The following EGFLAM variants were observed in gnomAD, a reference collection of about 807,000 sequenced individuals.
EGFLAM encodes EGF like, fibronectin type III and laminin G domains.
EGFLAM carries 79 observed loss-of-function variants against 113.1 expected under a neutral mutation model. The ratio of observed to expected loss-of-function variants is 0.70; its 90% CI spans 0.58 to 0.84. EGFLAM has a LOEUF of 0.84. EGFLAM is among the 40% of genes least tolerant of loss of function. EGFLAM has a pLI of 0.00. For synonymous variants in EGFLAM, 504 were observed against 487.6 expected (o/e 1.03, Z -0.44); for missense variants, 1,265 against 1,291.6 (o/e 0.98, Z 0.32).
At chr5:38,444,961 A>G (rs529637736) in intron 17 of EGFLAM, among the ~76,000 whole-genome samples, 4 of 152,230 alleles carry the variant, frequency 2.6e-5, no homozygotes, top group Non-Finnish European at 5.9e-5. Context: ...TAATAATAAT[A>G]GTAATGTTTA....
rs1030574057 is a variant in EGFLAM at position 38,408,994 on chromosome 5, A to G, written c.1249-10A>G. 2.5e-6 allele frequency: 4 copies of G among 1,575,972 alleles called. No homozygotes were observed. The highest frequency in any genetic ancestry group is 1.3e-5 in the African/African-American group (1 of 74,146). ...TACTGTTCATGTGGCTTTTGTTTGT[A>G]TAATCACAGGCGGAGGCAGAGGATG... On this transcript the variant is annotated splice_polypyrimidine_tract_variant and intron_variant, in intron 9 of 21. Coordinates refer to ENST00000322350, the MANE Select transcript of EGFLAM (RefSeq NM_152403.4).
intron 5 of EGFLAM, among the ~76,000 whole-genome samples, chr5:38,358,815 G>A (rs979318623): frequency 2.0e-5 from 3 of 152,146 alleles, no homozygotes; most frequent in African/African-American, 7.2e-5. Flanking sequence ...TATTTTTTAA[G>A]CAGTGTAGAA....
chr5:38,296,856 C>A (rs1024942236), intron 1 of EGFLAM, among the ~76,000 whole-genome samples: 1 of 151,958 alleles, frequency 6.6e-6, no homozygotes, highest in African/African-American at 2.4e-5. Context: ...ACACTGTGTA[C>A]CCCTTGATAT....
At chr5:38,385,216 C>G (rs984688705) in intron 6 of EGFLAM, among the ~76,000 whole-genome samples, 5 of 150,274 alleles carry the variant, frequency 3.3e-5, no homozygotes, top group African/African-American at 1.2e-4. Context: ...CTAGTACACA[C>G]AAACATAAAC....
intron 3 of EGFLAM, among the ~76,000 whole-genome samples, chr5:38,349,381 A>G (rs1317628751): frequency 6.6e-6 from 1 of 152,202 alleles, no homozygotes; most frequent in East Asian, 1.9e-4. Context: ...CCACATGCCC[A>G]AGACAATATC....
intron 17 of EGFLAM, among the ~76,000 whole-genome samples, chr5:38,441,848 CT>C (rs1315457056): frequency 1.3e-5 from 2 of 152,132 alleles, no homozygotes; most frequent in African/African-American, 4.8e-5. Flanking sequence ...CTTCCCTTCC[CT>C]GTGTTTCTAG....
chr5:38,309,542 C>G (rs1282014325), intron 1 of EGFLAM, among the ~76,000 whole-genome samples: 1 of 152,180 alleles, frequency 6.6e-6, no homozygotes. Context: ...TCTGCCCTCT[C>G]TCTCCTTTTC....
At chr5:38,368,541 T>C (rs1035166212) in intron 5 of EGFLAM, among the ~76,000 whole-genome samples, 1 of 152,222 alleles carries the variant, frequency 6.6e-6, no homozygotes, top group Non-Finnish European at 1.5e-5. Flanking sequence ...CGGCATCTTC[T>C]TTTAGCAAAA....
intron 6 of EGFLAM, chr5:38,403,993 C>T (rs1262204924): frequency 1.4e-5 from 23 of 1,600,988 alleles, no homozygotes; most frequent in Non-Finnish European, 1.9e-5. Context: ...ACCGCCTCCC[C>T]TTTGTTATCC....
At chr5:38,312,226 A>G (rs750891291) in intron 1 of EGFLAM, among the ~76,000 whole-genome samples, 5 of 149,204 alleles carry the variant, frequency 3.4e-5, no homozygotes, top group Non-Finnish European at 7.4e-5. Context: ...AAGTTACTCT[A>G]TCTCTCTGTA....
At chr5:38,359,489 A>G (rs1739864084) in intron 5 of EGFLAM, among the ~76,000 whole-genome samples, 2 of 152,202 alleles carry the variant, frequency 1.3e-5, no homozygotes, top group South Asian at 4.1e-4. Context: ...AGCCTTGCCA[A>G]CATGGTGAAA....
At chr5:38,375,382 T>G (rs538088273) in intron 6 of EGFLAM, among the ~76,000 whole-genome samples, 42 of 152,292 alleles carry the variant, frequency 2.8e-4, no homozygotes, top group African/African-American at 9.1e-4. Context: ...CTCCTCTCTG[T>G]CTCCATGAAT....
intron 1 of EGFLAM, among the ~76,000 whole-genome samples, chr5:38,275,645 C>T (rs1242063886): frequency 6.6e-6 from 1 of 152,194 alleles, no homozygotes; most frequent in East Asian, 1.9e-4. Flanking sequence ...TTCAATATCC[C>T]ACTTTCATCA....
intron 1 of EGFLAM, among the ~76,000 whole-genome samples, chr5:38,323,015 A>G (rs1738782029): frequency 6.6e-6 from 1 of 152,232 alleles, no homozygotes; most frequent in African/African-American, 2.4e-5. Flanking sequence ...TGCTTTAATA[A>G]TAATAGTTGG....
intron 6 of EGFLAM, among the ~76,000 whole-genome samples, chr5:38,397,796 C>T (rs1741000287): frequency 6.6e-6 from 1 of 151,586 alleles, no homozygotes; most frequent in South Asian, 2.1e-4. Flanking sequence ...ACCCCCACCC[C>T]ATGAGCAAAG....
At chr5:38,432,098 G>A (rs768780180) in intron 15 of EGFLAM, among the ~76,000 whole-genome samples, 10 of 152,082 alleles carry the variant, frequency 6.6e-5, no homozygotes, top group Admixed American at 2.6e-4. Context: ...AGGATTCTGC[G>A]AACACACACA....
intron 1 of EGFLAM, among the ~76,000 whole-genome samples, chr5:38,309,314 C>G (rs983888993): frequency 6.6e-6 from 1 of 152,190 alleles, no homozygotes; most frequent in Non-Finnish European, 1.5e-5. Flanking sequence ...TTGGTATGCT[C>G]TACAAATTGG....
intron 5 of EGFLAM, among the ~76,000 whole-genome samples, chr5:38,357,594 G>A (rs1440334272): frequency 6.6e-6 from 1 of 152,128 alleles, no homozygotes; most frequent in Non-Finnish European, 1.5e-5. Flanking sequence ...TTCTGTGTGA[G>A]CCAAAAGGTC....
chr5:38,299,928 ACT>A (rs779727776), intron 1 of EGFLAM, among the ~76,000 whole-genome samples: 2 of 152,166 alleles, frequency 1.3e-5, no homozygotes, highest in Admixed American at 6.5e-5. Flanking sequence ...ACAAAAACAG[ACT>A]CTGTTTTCTG....
Sources: gnomAD v4.1 joint callset for allele counts (sites outside exome capture counted in the v4.1 genomes callset) on GRCh38, gnomAD v4.1.1 for gene constraint, MANE v1.5 for transcripts, NCBI Gene and HGNC (gene_info 2026-07-23, HGNC 2026-07-21) for gene names.